Variants in CFAP299 observed in about 807,000 individuals in gnomAD.
CFAP299 encodes cilia and flagella associated protein 299.
Under a neutral mutation model 27.0 loss-of-function variants are expected in CFAP299, and 21 were observed. The observed-to-expected ratio is 0.78, with a 90% CI of 0.55 to 1.12. CFAP299 has a LOEUF of 1.12. Ranked by LOEUF, CFAP299 falls within the 50% of genes most tolerant of loss-of-function variation. The pLI is 0.00. For missense variants in CFAP299, 310 were observed against 276.6 expected, an observed-to-expected ratio of 1.12 and a Z score of -0.86; for synonymous variants, 104 against 98.1, an observed-to-expected ratio of 1.06 and a Z score of -0.36.
chr4:80,724,842 C>T, intron 3 of CFAP299, among the ~76,000 whole-genome samples: 2 of 148,666 alleles, frequency 1.3e-5, no homozygotes, highest in Non-Finnish European at 3.0e-5. Context: ...TCTTTATTTC[C>T]TTCATTCCTT....
intron 3 of CFAP299, among the ~76,000 whole-genome samples, chr4:80,712,326 A>G (rs974211824): frequency 8.1e-4 from 124 of 152,324 alleles, no homozygotes; most frequent in African/African-American, 2.9e-3. Context: ...TAGAAAGCCA[A>G]TACAGCTGAG....
At chr4:80,811,628 G>A (rs1010507319) in intron 3 of CFAP299, among the ~76,000 whole-genome samples, 8 of 152,248 alleles carry the variant, frequency 5.3e-5, no homozygotes, top group African/African-American at 1.9e-4. Context: ...ACTCAGGGAA[G>A]TATCCTACCA....
intron 2 of CFAP299, among the ~76,000 whole-genome samples, chr4:80,418,937 A>G (rs1317734251): frequency 6.6e-6 from 1 of 152,152 alleles, no homozygotes; most frequent in African/African-American, 2.4e-5. Context: ...GCCATTGTTA[A>G]TGGCACTGTG....
chr4:80,544,658 A>C (rs926643153), intron 2 of CFAP299, among the ~76,000 whole-genome samples: 3 of 152,234 alleles, frequency 2.0e-5, no homozygotes, highest in Non-Finnish European at 2.9e-5. Flanking sequence ...TCCAACAGGA[A>C]GATGTAACTA....
chr4:80,564,832 T>C (rs1735202780), intron 2 of CFAP299, among the ~76,000 whole-genome samples: 1 of 151,796 alleles, frequency 6.6e-6, no homozygotes, highest in South Asian at 2.1e-4. Context: ...AAAATCAACA[T>C]ACAAAAGTCA....
chr4:80,527,774 T>G (rs1467646170), intron 2 of CFAP299, among the ~76,000 whole-genome samples: 2 of 152,166 alleles, frequency 1.3e-5, no homozygotes, highest in Non-Finnish European at 2.9e-5. Context: ...TAATTGCTTT[T>G]TTTCAACATT....
intron 2 of CFAP299, among the ~76,000 whole-genome samples, chr4:80,540,111 C>T (rs1733929916): frequency 6.6e-6 from 1 of 152,212 alleles, no homozygotes; most frequent in South Asian, 2.1e-4. Context: ...TTTCTAAATG[C>T]TGTCGCTTGT....
rs1350489417 is a variant in CFAP299, at chr4:80,845,596, T to A, written c.334-24397T>A. ...TACTTGCTATTCCCTTTGCCTGGAA[T>A]GTTCTTCACGCACATCTTCCCCTGG... On this transcript the variant is annotated intron_variant, in intron 3 of 5. Transcript: ENST00000358105. Among the ~76,000 whole-genome samples the A allele has an allele frequency of 3.3e-5, 5 of 152,294 alleles. No individual in the cohort carries two copies. In the East Asian group the frequency reaches 9.7e-4, roughly 29 times the overall value.
chr4:80,326,611 T>C, the CFAP299 span, among the ~76,000 whole-genome samples: 1 of 152,154 alleles, frequency 6.6e-6, no homozygotes, highest in Non-Finnish European at 1.5e-5. Flanking sequence ...TCTCAGACTA[T>C]AGCTGGCCTG....
At chr4:80,361,757 T>G (rs1723557428) in intron 1 of CFAP299, among the ~76,000 whole-genome samples, 1 of 152,190 alleles carries the variant, frequency 6.6e-6, no homozygotes, top group African/African-American at 2.4e-5. Flanking sequence ...TTTGAATACT[T>G]ACAACTTTAA....
rs551892579 is a variant in CFAP299 at position 80,736,221 on chromosome 4, C to T, written c.334-133772C>T. Reference sequence around the variant, plus strand: ...AGGGTTTTTATGGTTTTAGGTCGAACGTTTAAGTCTTTAATCCATCTTGAA... The same window carrying T: ...AGGGTTTTTATGGTTTTAGGTCGAATGTTTAAGTCTTTAATCCATCTTGAA... On this transcript the variant is annotated intron_variant, in intron 3 of 5. Transcript: ENST00000358105. 6.6e-5 allele frequency among the ~76,000 whole-genome samples: 10 copies of T among 152,112 alleles called. No homozygotes were observed. In the South Asian group the frequency reaches 8.3e-4, roughly 13 times the overall value.
intron 2 of CFAP299, among the ~76,000 whole-genome samples, chr4:80,575,374 G>A (rs72659873): frequency 3.6e-4 from 53 of 149,154 alleles, no homozygotes; most frequent in Non-Finnish European, 6.1e-4. Flanking sequence ...CTGCCAGGCT[G>A]GGATGCAGTG....
chr4:80,643,328 G>A (rs2109961339), intron 3 of CFAP299, among the ~76,000 whole-genome samples: 1 of 152,116 alleles, frequency 6.6e-6, no homozygotes, highest in South Asian at 2.1e-4. Context: ...TGATTGGAGT[G>A]GGATCAAGAA....
At chr4:80,725,010 T>A (rs1723072294) in intron 3 of CFAP299, among the ~76,000 whole-genome samples, 1 of 151,248 alleles carries the variant, frequency 6.6e-6, no homozygotes, top group Non-Finnish European at 1.5e-5. Context: ...AGTGGCATGA[T>A]CTCAGCTCAC....
chr4:80,638,769 A>T (rs541565568), intron 3 of CFAP299, among the ~76,000 whole-genome samples: 59 of 152,204 alleles, frequency 3.9e-4, no homozygotes, highest in African/African-American at 1.3e-3. Flanking sequence ...GCCTGCAGTC[A>T]CTCTTAGGTT....
At chr4:80,481,178 C>T (rs753827012) in intron 2 of CFAP299, among the ~76,000 whole-genome samples, 4 of 151,782 alleles carry the variant, frequency 2.6e-5, no homozygotes, top group African/African-American at 9.7e-5. Flanking sequence ...CAGTAAAGGC[C>T]AATAGTTCAG....
At chr4:80,471,910 G>T (rs867294368) in intron 2 of CFAP299, among the ~76,000 whole-genome samples, 1 of 152,154 alleles carries the variant, frequency 6.6e-6, no homozygotes, top group African/African-American at 2.4e-5. Context: ...TCCTTCACTC[G>T]CAGCTTTCGG....
intron 2 of CFAP299, among the ~76,000 whole-genome samples, chr4:80,376,166 A>G (rs1724398679): frequency 6.6e-6 from 1 of 152,116 alleles, no homozygotes. Context: ...ATATGAATGG[A>G]ATCATAAATT....
chr4:80,878,834 T>G (rs1578207039), intron 4 of CFAP299, among the ~76,000 whole-genome samples: 1 of 152,144 alleles, frequency 6.6e-6, no homozygotes, highest in Non-Finnish European at 1.5e-5. Flanking sequence ...AAAATTAAAT[T>G]GTTTATTGTT....
Sources: gnomAD v4.1 joint callset for allele counts (sites outside exome capture counted in the v4.1 genomes callset) on GRCh38, gnomAD v4.1.1 for gene constraint, MANE v1.5 for transcripts, NCBI Gene and HGNC (gene_info 2026-07-23, HGNC 2026-07-21) for gene names.